Variants in EFCAB5 observed in about 807,000 individuals in gnomAD.
EFCAB5 encodes EF-hand calcium binding domain 5.
A neutral mutation model predicts 167.9 loss-of-function variants in EFCAB5; 131 were observed. The observed-to-expected ratio is 0.78, with a 90% CI of 0.68 to 0.90. The LOEUF (loss-of-function observed/expected upper bound fraction) is 0.90, where lower values mean the gene tolerates loss of function less well. Ranked by LOEUF, EFCAB5 falls within the 40% of genes least tolerant of loss-of-function variation. EFCAB5 has a pLI of 0.00. For missense variants in EFCAB5, 1,663 were observed against 1,745.2 expected (o/e 0.95, Z 0.84); for synonymous variants, 574 against 602.8 (o/e 0.95, Z 0.70).
At chr17:30,086,899 A>G (rs9913151) in intron 18 of EFCAB5, among the ~76,000 whole-genome samples, 164 bp from the exon 19 acceptor site, 1 of 152,136 alleles carries the variant, frequency 6.6e-6, no homozygotes, top group Non-Finnish European at 1.5e-5. Context: ...TCTCGAAAAA[A>G]AAAAATTATC....
intron 7 of EFCAB5, among the ~76,000 whole-genome samples, chr17:30,005,164 G>A (rs145553335): frequency 6.6e-6 from 1 of 152,186 alleles, no homozygotes; most frequent in African/African-American, 2.4e-5. Context: ...ATTCTCCTCA[G>A]CAATGCATGA....
In EFCAB5 at chr17:30,078,314, T is replaced by C; in HGVS notation, c.2837T>C (p.Leu946Pro). Residue 946 changes from leucine to proline, a missense_variant, in exon 15 of 23, where the codon CTC becomes CCC. By Grantham distance (98) the Leu-to-Pro change is moderately conservative. Coordinates refer to ENST00000394835, the MANE Select transcript of EFCAB5 (RefSeq NM_198529.4). ...QNYIELVVSE[L>P]RGNEDQVLES... ...TACATAGAATTGGTTGTGTCTGAAC[T>C]CAGGGGCAATGAAGACCAAGTTCTG... 1 of 1,613,986 alleles carries C rather than the reference T, an allele frequency of 6.2e-7. No homozygotes were observed. Among genetic ancestry groups the C allele is most frequent in the East Asian group, 2.2e-5 (1 of 44,892 alleles).
chr17:30,078,594 C>T (rs1427332050), intron 15 of EFCAB5, 90 bp downstream of exon 15: 3 of 1,389,444 alleles, frequency 2.2e-6, no homozygotes, highest in Non-Finnish European at 2.9e-6. Flanking sequence ...CTTGAATTCT[C>T]TTGAAAAATC....
chr17:30,057,971 G>A, intron 13 of EFCAB5, 81 bp downstream of exon 13: 1 of 1,312,200 alleles, frequency 7.6e-7, no homozygotes, highest in Non-Finnish European at 1.0e-6. Flanking sequence ...TCCCGATGTG[G>A]CTCGTGTTAA....
At chr17:30,020,457 CAGGTTCA>C (rs1445968894) in intron 7 of EFCAB5, among the ~76,000 whole-genome samples, 2 of 151,354 alleles carry the variant, frequency 1.3e-5, no homozygotes, top group South Asian at 4.2e-4. Context: ...CTCCGCCTTC[CAGGTTCA>C]AGCAATTCTC....
At chr17:30,005,657 C>G (rs2068758453) in intron 7 of EFCAB5, among the ~76,000 whole-genome samples, 1 of 152,160 alleles carries the variant, frequency 6.6e-6, no homozygotes, top group Non-Finnish European at 1.5e-5. Context: ...ACTGAATTCC[C>G]TGCCATGACA....
intron 12 of EFCAB5, 38 bp downstream of exon 12, chr17:30,056,194 C>T (rs768970425): frequency 7.4e-5 from 113 of 1,532,628 alleles, no homozygotes; most frequent in Non-Finnish European, 6.2e-6. Flanking sequence ...AGATGGCAGT[C>T]CAATAGATGG....
chr17:30,012,237 T>G (rs1280334717), intron 7 of EFCAB5, among the ~76,000 whole-genome samples: 1 of 151,666 alleles, frequency 6.6e-6, no homozygotes, highest in African/African-American at 2.4e-5. Context: ...CCAGGGGGAG[T>G]TTGGAGAAGA....
chr17:30,083,636 T>G (rs1249990894), intron 18 of EFCAB5, among the ~76,000 whole-genome samples: 4 of 152,208 alleles, frequency 2.6e-5, no homozygotes, highest in African/African-American at 9.6e-5. Flanking sequence ...GTATTTTTAG[T>G]AGAGGCGGGG....
intron 8 of EFCAB5, among the ~76,000 whole-genome samples, chr17:30,035,431 G>A (rs1383937537): frequency 6.6e-6 from 1 of 152,182 alleles, no homozygotes; most frequent in Non-Finnish European, 1.5e-5. Flanking sequence ...AAGTGCAGGG[G>A]CAGAAAAACT....
chr17:30,052,474 T>G (rs1430361097), intron 9 of EFCAB5, among the ~76,000 whole-genome samples: 2 of 152,192 alleles, frequency 1.3e-5, no homozygotes, highest in Admixed American at 6.5e-5. Flanking sequence ...GCCAAGAATG[T>G]CAATATTTTA....
chr17:30,007,615 T>G (rs1328035816), intron 7 of EFCAB5, among the ~76,000 whole-genome samples: 1 of 152,210 alleles, frequency 6.6e-6, no homozygotes, highest in Non-Finnish European at 1.5e-5. Context: ...GGTTAGAGAC[T>G]TCTAAACAGG....
intron 7 of EFCAB5, among the ~76,000 whole-genome samples, chr17:30,011,521 A>G (rs1359342752): frequency 1.3e-5 from 2 of 152,156 alleles, no homozygotes; most frequent in Non-Finnish European, 2.9e-5. Context: ...GGTCCTTCAC[A>G]TCCCTTGTAA....
rs987585186 is a variant in EFCAB5, at chr17:30,080,134, A to G, written c.3090A>G (p.Leu1030=). The change falls in exon 16 of 23, where the codon CTA becomes CTG. Residue 1030 remains leucine (L), a synonymous_variant. Coordinates refer to ENST00000394835, the MANE Select transcript of EFCAB5 (RefSeq NM_198529.4). ...SAHISLLEEN[L]LLPEKGNVLL... ...ACATTTCCCTCTTAGAAGAAAACCT[A>G]CTACTGCCTGAGAAAGGGAATGTTC... The G allele has an allele frequency of 2.7e-5, 44 of 1,613,730 alleles. No individual in the cohort carries two copies. The highest frequency in any genetic ancestry group is 3.5e-5 in the Non-Finnish European group (41 of 1,179,842).
rs1321009140 is a variant in EFCAB5, at chr17:30,078,268, T to C, written c.2791T>C (p.Ser931Pro). 2 of 1,613,970 alleles carry C rather than the reference T, an allele frequency of 1.2e-6. No homozygotes were observed. Among genetic ancestry groups the C allele is most frequent in the Non-Finnish European group, 8.5e-7 (1 of 1,179,862 alleles). The change falls in exon 15 of 23, where the codon TCT becomes CCT. Residue 931 changes from serine to proline, a missense_variant. Ser to Pro is a moderately conservative substitution (Grantham distance 74, BLOSUM62 -1). Coordinates refer to ENST00000394835, the MANE Select transcript of EFCAB5 (RefSeq NM_198529.4). ...ACACCCTGGTCACGAAGTGAGATTGTCTTCAAAACAATTTCAGAATTACAT... is the reference window on the plus strand; with the variant it reads ...ACACCCTGGTCACGAAGTGAGATTGCCTTCAAAACAATTTCAGAATTACAT... The part of the protein sequence containing the change: ...KPHPGHEVRL[S>P]SKQFQNYIEL...
rs2151858552 is a variant in EFCAB5, at chr17:30,100,378, A to G, written c.4321+7442A>G. 2.0e-5 allele frequency among the ~76,000 whole-genome samples: 3 copies of G among 152,312 alleles called. No homozygotes were observed. In the East Asian group the frequency reaches 5.8e-4, roughly 29 times the overall value. On this transcript the variant is annotated intron_variant, in intron 22 of 22. Coordinates refer to ENST00000394835, the MANE Select transcript of EFCAB5 (RefSeq NM_198529.4). Reference sequence around the variant, plus strand: ...TGGTAGAAAATAAGTGCTATGGGGGAAAAAGCAAAGTCGAGTAAGGCAGTG... The same window carrying G: ...TGGTAGAAAATAAGTGCTATGGGGGGAAAAGCAAAGTCGAGTAAGGCAGTG...
chr17:29,945,423 G>A lies in EFCAB5; in HGVS notation c.190+1774G>A, dbSNP rs894018677. On this transcript the variant is annotated intron_variant, in intron 3 of 22. Coordinates refer to ENST00000394835, the MANE Select transcript of EFCAB5 (RefSeq NM_198529.4). Reference sequence around the variant, plus strand: ...TTACAATACATATTCATTAAAACCCGAACTTGCACTTGTTGTGGTGGCTTA... The same window carrying A: ...TTACAATACATATTCATTAAAACCCAAACTTGCACTTGTTGTGGTGGCTTA... Among the ~76,000 whole-genome samples, 6 of 151,296 alleles carry A rather than the reference G, an allele frequency of 4.0e-5. 1 individual carries two copies. Among genetic ancestry groups the A allele is most frequent in the African/African-American group, 1.2e-4 (5 of 41,138 alleles).
chr17:30,053,762 T>A lies in EFCAB5; in HGVS notation c.1808T>A (p.Val603Asp). 1 of 1,613,898 alleles carries A rather than the reference T, an allele frequency of 6.2e-7. No homozygotes were observed. The highest frequency in any genetic ancestry group is 8.5e-7 in the Non-Finnish European group (1 of 1,179,856). ...VSEQGSSRES[V>D]AEQGSRRESI... ...GAACAAGGATCAAGCAGAGAGTCAG[T>A]TGCAGAACAAGGGTCACGCAGAGAG... Residue 603 changes from valine (V) to aspartate (D), a missense_variant, in exon 10 of 23, where the codon GTT (valine) becomes GAT (aspartate). Physicochemically the swap from Val to Asp is radical, Grantham distance 152. Transcript: ENST00000394835.
At chr17:29,982,998 C>T (rs1306093268) in intron 4 of EFCAB5, among the ~76,000 whole-genome samples, 2 of 152,180 alleles carry the variant, frequency 1.3e-5, no homozygotes, top group Admixed American at 1.3e-4. Context: ...TCTTAGTTAG[C>T]TTTTGCTGCA....
Sources: gnomAD v4.1 joint callset for allele counts (sites outside exome capture counted in the v4.1 genomes callset) on GRCh38, gnomAD v4.1.1 for gene constraint, MANE v1.5 for transcripts, NCBI Gene and HGNC (gene_info 2026-07-23, HGNC 2026-07-21) for gene names.